PIP5K1B: variants seen among roughly 807,000 people sequenced by gnomAD.
PIP5K1B encodes phosphatidylinositol-4-phosphate 5-kinase type 1 beta, also known as phosphatidylinositol 4-phosphate 5-kinase type-1 beta.
Under a neutral mutation model 67.0 loss-of-function variants are expected in PIP5K1B, and 42 were observed. The observed-to-expected ratio is 0.63, with a 90% CI of 0.49 to 0.81. The LOEUF (loss-of-function observed/expected upper bound fraction) is 0.81, where lower values mean the gene tolerates loss of function less well. Ranked by LOEUF, PIP5K1B falls within the 30% of genes least tolerant of loss-of-function variation. The pLI, the probability that PIP5K1B is intolerant of heterozygous loss-of-function variation, is 0.00. For synonymous variants in PIP5K1B, 214 were observed against 231.4 expected, an observed-to-expected ratio of 0.92 and a Z score of 0.68; for missense variants, 459 against 646.3, an observed-to-expected ratio of 0.71 and a Z score of 3.14.
At chr9:68,725,649 C>T in intron 1 of PIP5K1B, among the ~76,000 whole-genome samples, 1 of 152,138 alleles carries the variant, frequency 6.6e-6, no homozygotes, top group Non-Finnish European at 1.5e-5. Flanking sequence ...TTAAACATCA[C>T]CTTCAGCATG....
At chr9:68,845,154 A>G (rs950955213) in intron 4 of PIP5K1B, among the ~76,000 whole-genome samples, 7 of 152,204 alleles carry the variant, frequency 4.6e-5, no homozygotes, top group Non-Finnish European at 1.0e-4. Flanking sequence ...CCCCCGTGCT[A>G]TAATGAAGCT....
At chr9:68,967,625 C>T (rs1829104783) in intron 14 of PIP5K1B, among the ~76,000 whole-genome samples, 1 of 152,180 alleles carries the variant, frequency 6.6e-6, no homozygotes, top group Non-Finnish European at 1.5e-5. Context: ...CTCTCCCAGA[C>T]ACTGCTACAG....
At position 68,705,756 on chromosome 9, in the gene PIP5K1B, G is replaced by A. The variant is rs1158707309; in HGVS notation, c.-249G>A. The A allele has an allele frequency of 2.0e-5, 3 of 152,292 alleles. No individual in the cohort carries two copies. Among genetic ancestry groups the A allele is most frequent in the East Asian group, 3.9e-4 (2 of 5,172 alleles). The allele number at this position is 152,292 out of a possible 1,614,324, so 9.4% of individuals were successfully genotyped here. On this transcript the variant is annotated 5_prime_UTR_variant, in exon 1 of 16. Transcript: ENST00000265382. The stretch of plus-strand genomic sequence containing the variant: ...TAGCGGAGGCACCCGAATGCTGCCC[G>A]GGTGAGGTAAGTTTCCTGTGCGTCC...
chr9:68,791,944 A>T (rs547518144), intron 2 of PIP5K1B, among the ~76,000 whole-genome samples: 1 of 152,314 alleles, frequency 6.6e-6, no homozygotes, highest in South Asian at 2.1e-4. Context: ...GTGCTTTCAG[A>T]CAAGCTGTGT....
At chr9:68,991,981 G>GT (rs1160140377) in intron 15 of PIP5K1B, among the ~76,000 whole-genome samples, 2 of 151,984 alleles carry the variant, frequency 1.3e-5, no homozygotes, top group Non-Finnish European at 2.9e-5. Flanking sequence ...TTTTTTTGGG[G>GT]GGGGGCAGAG....
chr9:68,880,984 A>G (rs750985517), intron 6 of PIP5K1B, among the ~76,000 whole-genome samples: 2 of 152,210 alleles, frequency 1.3e-5, no homozygotes, highest in South Asian at 2.1e-4. Context: ...ATGACACAGC[A>G]TGCTTGAGTG....
chr9:68,732,061 G>A (rs1482818639), intron 1 of PIP5K1B, among the ~76,000 whole-genome samples: 1 of 152,210 alleles, frequency 6.6e-6, no homozygotes, highest in Non-Finnish European at 1.5e-5. Flanking sequence ...GGGTGGGGCT[G>A]CTGTGAACTA....
chr9:68,905,834 A>T (rs745390782), intron 8 of PIP5K1B, among the ~76,000 whole-genome samples: 7 of 152,196 alleles, frequency 4.6e-5, no homozygotes, highest in Admixed American at 2.0e-4. Context: ...TACTTTGGAC[A>T]TCCAGTGGTT....
chr9:69,005,466 C>T (rs562737884), intron 15 of PIP5K1B, among the ~76,000 whole-genome samples: 1 of 152,308 alleles, frequency 6.6e-6, no homozygotes, highest in Non-Finnish European at 1.5e-5. Flanking sequence ...CAGCTCACCA[C>T]AACCTCCGCC....
chr9:68,915,794 G>A (rs968103754), intron 8 of PIP5K1B, among the ~76,000 whole-genome samples: 1 of 152,210 alleles, frequency 6.6e-6, no homozygotes, highest in Non-Finnish European at 1.5e-5. Context: ...TTTGAAAGAT[G>A]AAGTGTGAAC....
chr9:68,829,836 T>C (rs1299435146), intron 4 of PIP5K1B, among the ~76,000 whole-genome samples: 1 of 152,222 alleles, frequency 6.6e-6, no homozygotes, highest in African/African-American at 2.4e-5. Context: ...AAAAGTAGCA[T>C]ACTAATGAGT....
chr9:68,780,033 C>T (rs551942233), intron 2 of PIP5K1B: 8 of 1,253,848 alleles, frequency 6.4e-6, no homozygotes, highest in African/African-American at 4.7e-5. Flanking sequence ...GCGCGAAGGG[C>T]TACGCATGCG....
At chr9:68,924,401 C>CGAAAAAAAAAAAAAA (rs1341716504) in intron 12 of PIP5K1B, among the ~76,000 whole-genome samples, 14 of 86,764 alleles carry the variant, frequency 1.6e-4, no homozygotes, top group Non-Finnish European at 1.8e-4. Flanking sequence ...CACTGCGCCT[C>CGAAAAAAAAAAAAAA]AAAAAAAAAA....
chr9:68,858,535 C>T (rs1044218234), intron 4 of PIP5K1B, among the ~76,000 whole-genome samples: 2 of 152,112 alleles, frequency 1.3e-5, no homozygotes, highest in Non-Finnish European at 2.9e-5. Flanking sequence ...AAATATATAT[C>T]AGGCGTGGGA....
At chr9:68,878,646 G>A (rs1824020105) in intron 6 of PIP5K1B, among the ~76,000 whole-genome samples, 1 of 152,064 alleles carries the variant, frequency 6.6e-6, no homozygotes, top group African/African-American at 2.4e-5. Flanking sequence ...TCAAAAAACT[G>A]CAAGTCATGA....
chr9:68,799,709 C>CT (rs1489258383), intron 2 of PIP5K1B, among the ~76,000 whole-genome samples: 2 of 152,122 alleles, frequency 1.3e-5, no homozygotes, highest in African/African-American at 2.4e-5. Context: ...TGAAACTGGA[C>CT]TTTTATATCA....
intron 4 of PIP5K1B, among the ~76,000 whole-genome samples, chr9:68,851,019 C>T (rs1822458082): frequency 6.6e-6 from 1 of 152,098 alleles, no homozygotes; most frequent in African/African-American, 2.4e-5. Context: ...CTTTTTAGGG[C>T]AATTAAGTGT....
chr9:68,856,440 T>G (rs1822783788), intron 4 of PIP5K1B, among the ~76,000 whole-genome samples: 1 of 152,160 alleles, frequency 6.6e-6, no homozygotes, highest in Admixed American at 6.5e-5. Context: ...ACTGGCCCAT[T>G]CTCACTTTTC....
At chr9:68,993,555 C>G (rs530738882) in intron 15 of PIP5K1B, among the ~76,000 whole-genome samples, 57 of 151,992 alleles carry the variant, frequency 3.8e-4, no homozygotes, top group African/African-American at 1.2e-3. Context: ...TACCATTGCC[C>G]CCGCTTTAAA....
Sources: allele counts gnomAD v4.1 joint callset (sites outside exome capture counted in the v4.1 genomes callset), GRCh38; gene constraint gnomAD v4.1.1; transcripts MANE v1.5; gene names NCBI Gene and HGNC (gene_info 2026-07-23, HGNC 2026-07-21).